Variants in MGAM2 observed in about 807,000 individuals in gnomAD.
MGAM2 encodes maltase-glucoamylase 2 (putative).
MGAM2 carries 98 observed loss-of-function variants against 96.1 expected under a neutral mutation model. That is an observed-to-expected ratio of 1.02 (90% CI 0.87 to 1.21). The LOEUF is 1.21. Ranked by LOEUF, MGAM2 falls within the 50% of genes most tolerant of loss-of-function variation. The pLI is 0.00. For missense variants in MGAM2, 2,055 were observed against 1,182.4 expected (o/e 1.74, Z -10.82); for synonymous variants, 749 against 414.8 (o/e 1.81, Z -9.79).
chr7:142,208,285 A>T, intron 45 of MGAM2: 1 of 548,266 alleles, frequency 1.8e-6, no homozygotes, highest in South Asian at 1.5e-5. Flanking sequence ...AGAATAACCA[A>T]ACAGTAGTCT....
chr7:142,195,172 C>T (rs1387711192), intron 37 of MGAM2, among the ~76,000 whole-genome samples: 1 of 151,788 alleles, frequency 6.6e-6, no homozygotes, highest in Admixed American at 6.6e-5. Flanking sequence ...CATGTGACTA[C>T]AGACACACGT....
At chr7:142,161,386 A>G (rs1204166889) in intron 22 of MGAM2, among the ~76,000 whole-genome samples, 173 bp downstream of exon 22, 2 of 152,236 alleles carry the variant, frequency 1.3e-5, no homozygotes, top group African/African-American at 4.8e-5. Flanking sequence ...GGCACAATGC[A>G]TTAAAATAGA....
At chr7:142,169,396 T>C (rs1221449264) in intron 26 of MGAM2, among the ~76,000 whole-genome samples, 2 of 152,052 alleles carry the variant, frequency 1.3e-5, no homozygotes, top group Admixed American at 1.3e-4. Context: ...CACTCCGAGC[T>C]GGCGACAGAG....
At chr7:142,118,977 A>G (rs1288980614) in intron 2 of MGAM2, among the ~76,000 whole-genome samples, 1 of 152,164 alleles carries the variant, frequency 6.6e-6, no homozygotes, top group Non-Finnish European at 1.5e-5. Flanking sequence ...CAAAGAAAAA[A>G]ATAGGCAAAT....
rs1457502918 is a variant in MGAM2 at position 142,167,488 on chromosome 7, TAA to T, written c.3027+3_3027+4del. 2 of 702,866 alleles carry T rather than the reference TAA, an allele frequency of 2.8e-6. No individual in the cohort carries two copies. The highest frequency in any genetic ancestry group is 5.2e-6 in the Non-Finnish European group (2 of 384,980). The allele number at this position is 702,866 out of a possible 1,614,324, so 43.5% of individuals were successfully genotyped here. On this transcript the variant is annotated splice_donor_region_variant and intron_variant, in intron 26 of 47. Coordinates refer to ENST00000477922, the MANE Select transcript of MGAM2 (RefSeq NM_001293626.2). ...ACAGCAACCATGCTGCAGGTCAAGG[TAA>T]GGCCCATGTTGCAGATTCTGGTTCT...
At chr7:142,125,457 A>C (rs1297683385) in intron 3 of MGAM2, among the ~76,000 whole-genome samples, 2 of 152,176 alleles carry the variant, frequency 1.3e-5, no homozygotes, top group Non-Finnish European at 2.9e-5. Context: ...CTTTTGAATT[A>C]GACTGACCCC....
chr7:142,132,084 T>G lies in MGAM2; in HGVS notation c.574T>G (p.Leu192Val). Residue 192 changes from leucine to valine, a missense_variant and splice_region_variant, in exon 6 of 48, where the codon TTG becomes GTG. Physicochemically the swap from Leu to Val is conservative, Grantham distance 32 (BLOSUM62 1). Transcript: ENST00000477922. ...AATGAGGACAAGCAACAGAAGAGTC[T>G]TGTGAGCTTTTCAACCCTCTTGGTG... is the stretch of plus-strand genomic sequence containing the variant. The part of the protein sequence containing the change: ...KIMRTSNRRV[L>V]LDTSIGPLQF... The G allele has an allele frequency of 1.4e-6, 1 of 701,604 alleles. No individual in the cohort carries two copies. Among genetic ancestry groups the G allele is most frequent in the South Asian group, 1.5e-5 (1 of 67,236 alleles). 43.5% of individuals were successfully genotyped at this position (701,604 alleles called of 1,614,324 possible). A position where few individuals can be genotyped will look rare whatever the true frequency, so the allele number is the denominator to read the frequency against.
At chr7:142,186,272 C>A in intron 35 of MGAM2, 149 bp downstream of exon 35, 1 of 604,292 alleles carries the variant, frequency 1.7e-6, no homozygotes, top group South Asian at 2.0e-5. Flanking sequence ...GTGCTAGGAC[C>A]AAGAGAAGCA....
intron 32 of MGAM2, 49 bp from the exon 33 acceptor site, chr7:142,183,217 C>T: frequency 1.5e-6 from 1 of 673,108 alleles, no homozygotes; most frequent in Non-Finnish European, 2.7e-6. Context: ...GAGAAATTTT[C>T]TTAGAGATGT....
chr7:142,150,686 A>G (rs1379775110), intron 15 of MGAM2, among the ~76,000 whole-genome samples: 1 of 152,182 alleles, frequency 6.6e-6, no homozygotes, highest in African/African-American at 2.4e-5. Flanking sequence ...ACTGCTGTAC[A>G]TTCCTGAGAA....
In MGAM2 at chr7:142,186,059, T is replaced by C. The variant is rs1796688205; in HGVS notation, c.4058T>C (p.Ile1353Thr). 2.8e-6 allele frequency: 2 copies of C among 705,860 alleles called. No individual in the cohort carries two copies. Among genetic ancestry groups the C allele is most frequent in the Non-Finnish European group, 5.2e-6 (2 of 385,112 alleles). 43.7% of individuals were successfully genotyped at this position (705,860 alleles called of 1,614,324 possible). A position where few individuals can be genotyped will look rare whatever the true frequency, so the allele number is the denominator to read the frequency against. ...ACAGCTGCGTGGTGGAAGAAAGAGATAGAAGAGCTCTATGCAAACCCTCGA... is the reference window on the plus strand; with the variant it reads ...ACAGCTGCGTGGTGGAAGAAAGAGACAGAAGAGCTCTATGCAAACCCTCGA... Reference protein sequence around the residue: ...NSTAAWWKKEIEELYANPREP... With the variant: ...NSTAAWWKKETEELYANPREP... The change falls in exon 35 of 48, where the codon ATA (isoleucine) becomes ACA (threonine). Residue 1353 changes from isoleucine (I) to threonine (T), a missense_variant. Physicochemically the swap from Ile to Thr is moderately conservative, Grantham distance 89. Transcript: ENST00000477922.
rs1214544675 is a variant in MGAM2, at chr7:142,158,246, AG to A, written c.2079del. On this transcript the variant is annotated splice_acceptor_variant, in intron 18 of 47. Transcript: ENST00000477922. LOFTEE classifies it high-confidence loss of function. ...GCCTTCACTGTGCTACCTCTTTACT[AG>A]GTTCTACCAGGACTCAGCCACGTGG... 7.1e-6 allele frequency: 5 copies of A among 702,956 alleles called. No individual in the cohort carries two copies. The Admixed American group carries it at 1.0e-4, about 14-fold the overall frequency. 43.5% of individuals were successfully genotyped at this position (702,956 alleles called of 1,614,324 possible). A position where few individuals can be genotyped will look rare whatever the true frequency, so the allele number is the denominator to read the frequency against.
intron 32 of MGAM2, among the ~76,000 whole-genome samples, chr7:142,176,294 A>G (rs1358153704): frequency 6.6e-6 from 1 of 152,220 alleles, no homozygotes; most frequent in Non-Finnish European, 1.5e-5. Context: ...CCAATTTATT[A>G]TATTACTAGG....
In MGAM2 at chr7:142,220,576, C is replaced by T; in HGVS notation, c.6065C>T (p.Thr2022Ile). Residue 2022 changes from threonine (T) to isoleucine (I), a missense_variant, in exon 48 of 48, where the codon ACC becomes ATC. By Grantham distance (89) the Thr-to-Ile change is moderately conservative. Coordinates refer to ENST00000477922, the MANE Select transcript of MGAM2 (RefSeq NM_001293626.2). The stretch of plus-strand genomic sequence containing the variant: ...AATGCTACCCCTGTTCCTATCACAA[C>T]CACACTTTTTGCAACAAGTACTATT... ...STNATPVPITTTLFATSTIGV... is the reference protein window; with the variant it reads ...STNATPVPITITLFATSTIGV... 1.4e-6 allele frequency: 1 copy of T among 698,538 alleles called. No individual in the cohort carries two copies. Among genetic ancestry groups the T allele is most frequent in the Admixed American group, 2.0e-5 (1 of 49,684 alleles). The allele number at this position is 698,538 out of a possible 1,614,324, so 43.3% of individuals were successfully genotyped here.
At position 142,154,290 on chromosome 7, in the gene MGAM2, C is replaced by T. The variant is rs76289358; in HGVS notation, c.1806+101C>T. The stretch of plus-strand genomic sequence containing the variant: ...ATCTGAAAAACCAAGGATCATGTTC[C>T]AAGGTGATATGTATTGGAAAGATCA... On this transcript the variant is annotated intron_variant, in intron 16 of 47. Transcript: ENST00000477922. The T allele has an allele frequency of 5.3e-3, 2,688 of 508,828 alleles. 50 individuals are homozygous for T. The highest frequency in any genetic ancestry group is 0.045 in the African/African-American group (2,376 of 53,242). The allele number at this position is 508,828 out of a possible 1,614,324, so 31.5% of individuals were successfully genotyped here.
Position 142,119,547 on chromosome 7 carries a change from C to G in MGAM2, c.107-755C>G, listed in dbSNP as rs150466297. Among the ~76,000 whole-genome samples, 656 of 152,282 alleles carry G rather than the reference C, an allele frequency of 4.3e-3. 5 individuals are homozygous for G. Among genetic ancestry groups the G allele is most frequent in the African/African-American group, 0.015 (625 of 41,550 alleles). ...ACCACATGACCTAACAATTCCACTT[C>G]TAGGTATATAACCAAGAAAACTGAA... On this transcript the variant is annotated intron_variant, in intron 2 of 47. Coordinates refer to ENST00000477922, the MANE Select transcript of MGAM2 (RefSeq NM_001293626.2).
At chr7:142,166,043 T>A (rs1292161511) in intron 24 of MGAM2, 55 bp from the exon 25 acceptor site, 2 of 619,384 alleles carry the variant, frequency 3.2e-6, no homozygotes, top group African/African-American at 3.7e-5. Context: ...CCAAGAACTC[T>A]TTCTGGGTGG....
At chr7:142,215,745 C>T (rs535553760) in intron 46 of MGAM2, among the ~76,000 whole-genome samples, 133 of 117,344 alleles carry the variant, frequency 1.1e-3, no homozygotes, top group African/African-American at 4.1e-3. Flanking sequence ...GTAGCAAGAG[C>T]GAAACTCTGT....
At position 142,134,058 on chromosome 7, in the gene MGAM2, T is replaced by G. The variant is rs139951894; in HGVS notation, c.653T>G (p.Val218Gly). Residue 218 changes from valine to glycine, a missense_variant, in exon 7 of 48, where the codon GTG (valine) becomes GGG (glycine). By Grantham distance (109) the Val-to-Gly change is moderately radical. Coordinates refer to ENST00000477922, the MANE Select transcript of MGAM2 (RefSeq NM_001293626.2). ...QLSFRLPSAN[V>G]YGLGEHVHQQ... ...TCTTTCCGACTGCCCAGTGCCAATG[T>G]GTATGGGCTGGGAGAGCATGTGCAC... The G allele has an allele frequency of 1.3e-6, 1 of 761,132 alleles. No homozygotes were observed. The highest frequency in any genetic ancestry group is 2.4e-6 in the Non-Finnish European group (1 of 415,490). 47.1% of individuals were successfully genotyped at this position (761,132 alleles called of 1,614,324 possible). A position where few individuals can be genotyped will look rare whatever the true frequency, so the allele number is the denominator to read the frequency against.
Sources: gnomAD v4.1 joint callset for allele counts (sites outside exome capture counted in the v4.1 genomes callset) on GRCh38, gnomAD v4.1.1 for gene constraint, MANE v1.5 for transcripts, NCBI Gene and HGNC (gene_info 2026-07-23, HGNC 2026-07-21) for gene names.